The following PDE4A variants were observed in gnomAD, a reference collection of about 807,000 sequenced individuals.
PDE4A encodes phosphodiesterase 4A.
A neutral mutation model predicts 73.9 loss-of-function variants in PDE4A; 21 were observed. The observed-to-expected ratio is 0.28, with a 90% CI of 0.20 to 0.41. The LOEUF (loss-of-function observed/expected upper bound fraction) is 0.41. PDE4A is among the 10% of genes least tolerant of loss of function. The pLI is 1.00. For missense variants in PDE4A, 958 were observed against 1,211.4 expected (o/e 0.79, Z 3.10); for synonymous variants, 463 against 505.4 (o/e 0.92, Z 1.13).
chr19:10,451,822 G>A (rs373101752), intron 6 of PDE4A, among the ~76,000 whole-genome samples: 6 of 152,204 alleles, frequency 3.9e-5, no homozygotes, highest in African/African-American at 1.4e-4. Context: ...GGAGAGAGTG[G>A]TAACAGCCCT....
Position 10,458,145 on chromosome 19 carries a change from T to C in PDE4A, c.1101+43T>C, listed in dbSNP as rs752436220. 4 of 1,583,888 alleles carry C rather than the reference T, an allele frequency of 2.5e-6. No homozygotes were observed. The highest frequency in any genetic ancestry group is 2.6e-6 in the Non-Finnish European group (3 of 1,154,488). On this transcript the variant is annotated intron_variant, in intron 8 of 14. Transcript: ENST00000380702. The surrounding 1 kb of genome is among the most constrained non-coding windows in gnomAD (Gnocchi z 4.6). ...AGGGGCAGGGCTGGAGGGGGTGGTC[T>C]CCTGGGACCCTGAGAAGGACTGGGC...
At position 10,448,364 on chromosome 19, in the gene PDE4A, C is replaced by T. The variant is rs928714689; in HGVS notation, c.513-553C>T. Reference sequence around the variant, plus strand: ...AATAAATAAATAAAAAGGTCAGGCACGGTGGCTCACGCCTATAATCCCAGC... The same window carrying T: ...AATAAATAAATAAAAAGGTCAGGCATGGTGGCTCACGCCTATAATCCCAGC... On this transcript the variant is annotated intron_variant, in intron 2 of 14. Coordinates refer to ENST00000380702, the MANE Select transcript of PDE4A (RefSeq NM_001111307.2). 1.8e-4 allele frequency among the ~76,000 whole-genome samples: 27 copies of T among 152,046 alleles called. No homozygotes were observed. In the East Asian group the frequency reaches 4.1e-3, roughly 23 times the overall value.
intron 1 of PDE4A, chr19:10,432,408 GC>G: frequency 7.2e-7 from 1 of 1,382,802 alleles, no homozygotes; most frequent in East Asian, 3.1e-5. Context: ...GTCCCCATGC[GC>G]GCCCCGACGA....
chr19:10,432,753 G>C (rs2042812882), intron 1 of PDE4A, among the ~76,000 whole-genome samples: 1 of 152,200 alleles, frequency 6.6e-6, no homozygotes, highest in Non-Finnish European at 1.5e-5. Flanking sequence ...CTTCTTGAAG[G>C]TGGCAGCCCT....
chr19:10,432,631 G>T (rs1334309022), intron 1 of PDE4A: 17 of 1,429,640 alleles, frequency 1.2e-5, no homozygotes, highest in African/African-American at 3.0e-5. Flanking sequence ...TGGCTGTGCT[G>T]GGGGGGTGGG....
chr19:10,465,198 A>G (rs1157756861), intron 14 of PDE4A, among the ~76,000 whole-genome samples: 2 of 151,048 alleles, frequency 1.3e-5, no homozygotes, highest in Non-Finnish European at 2.9e-5. Context: ...TCTACCCACT[A>G]GATGCCAGAA....
At chr19:10,423,524 G>A (rs1443545516) in intron 1 of PDE4A, among the ~76,000 whole-genome samples, 1 of 152,146 alleles carries the variant, frequency 6.6e-6, no homozygotes, top group Non-Finnish European at 1.5e-5. Flanking sequence ...GAATTGCAAC[G>A]CAGGTCCGCC....
chr19:10,418,772 C>T (rs2042611224), upstream of PDE4A: 10 of 985,228 alleles, frequency 1.0e-5, no homozygotes, highest in Non-Finnish European at 1.2e-5. Flanking sequence ...CACCCGCTTC[C>T]AGATCTCTAA....
chr19:10,434,889 CTT>C (rs377462932), intron 1 of PDE4A, among the ~76,000 whole-genome samples: 6 of 107,210 alleles, frequency 5.6e-5, no homozygotes, highest in African/African-American at 3.7e-5. Flanking sequence ...CTGTGCCCAG[CTT>C]TTTTTTTTTT....
chr19:10,427,993 CAAA>C (rs5827099), intron 1 of PDE4A: 106 of 107,956 alleles, frequency 9.8e-4, no homozygotes, highest in Non-Finnish European at 1.5e-3. Context: ...GAGACCCTGT[CAAA>C]AAAAAAAAAA....
Position 10,465,148 on chromosome 19 carries a change from G to A in PDE4A, c.1926+1173G>A, listed in dbSNP as rs76812489. On this transcript the variant is annotated intron_variant, in intron 14 of 14. Transcript: ENST00000380702. ...ATCATTTTTTGTGCTAGGAGCTGCCGTGGGTATTACAGGATTCTTAGCAGA... is the reference window on the plus strand; with the variant it reads ...ATCATTTTTTGTGCTAGGAGCTGCCATGGGTATTACAGGATTCTTAGCAGA... Among the ~76,000 whole-genome samples, 780 of 152,026 alleles carry A rather than the reference G, an allele frequency of 5.1e-3. 12 individuals are homozygous for A. Among genetic ancestry groups the A allele is most frequent in the East Asian group, 0.033 (170 of 5,164 alleles).
At chr19:10,441,262 G>T (rs972514746) in intron 1 of PDE4A, among the ~76,000 whole-genome samples, 1 of 152,036 alleles carries the variant, frequency 6.6e-6, no homozygotes, top group Non-Finnish European at 1.5e-5. Context: ...TTGAGTAGCT[G>T]GGACTATAGG....
In PDE4A at chr19:10,453,183, C is replaced by T. The variant is rs1425765048; in HGVS notation, c.784-1646C>T. ...TCCACTACCCACCTGCCCGGCACCC[C>T]CTCCCCAGTGGTTGTTAACCCCGGG... On this transcript the variant is annotated intron_variant, in intron 6 of 14. Coordinates refer to ENST00000380702, the MANE Select transcript of PDE4A (RefSeq NM_001111307.2). The surrounding 1 kb of genome is among the most constrained non-coding windows in gnomAD (Gnocchi z 4.6). The T allele has an allele frequency of 6.7e-7, 1 of 1,492,992 alleles. No individual in the cohort carries two copies. Among genetic ancestry groups the T allele is most frequent in the Non-Finnish European group, 8.9e-7 (1 of 1,117,692 alleles). 92.5% of individuals were successfully genotyped at this position (1,492,992 alleles called of 1,614,324 possible).
At chr19:10,432,688 T>C (rs2042812010) in intron 1 of PDE4A, 2 of 1,024,268 alleles carry the variant, frequency 2.0e-6, no homozygotes, top group East Asian at 3.3e-5. Context: ...TTCCAGGATC[T>C]GGCTGGGGCC....
At chr19:10,460,959 A>G (rs200568971) in intron 10 of PDE4A, 45 bp from the exon 11 acceptor site, 26 of 1,577,592 alleles carry the variant, frequency 1.6e-5, no homozygotes, top group African/African-American at 2.7e-5. Flanking sequence ...ACCACCATGC[A>G]TGGCTTCAAC....
chr19:10,417,232 G>T, upstream of PDE4A: 1 of 985,260 alleles, frequency 1.0e-6, no homozygotes, highest in South Asian at 4.7e-5. Flanking sequence ...GGATTTTGGC[G>T]AGGAGGTGGG....
chr19:10,419,035 T>G, upstream of PDE4A: 3 of 874,614 alleles, frequency 3.4e-6, no homozygotes, highest in African/African-American at 2.1e-5. Context: ...AAAGTGGCTG[T>G]GGGGGTTGAA....
At chr19:10,439,921 A>C (rs1156373719) in intron 1 of PDE4A, among the ~76,000 whole-genome samples, 1 of 151,654 alleles carries the variant, frequency 6.6e-6, no homozygotes, top group Non-Finnish European at 1.5e-5. Flanking sequence ...GAGGAACCCT[A>C]AGATCTTCAA....
intron 12 of PDE4A, 39 bp downstream of exon 12, chr19:10,461,719 C>A (rs750606740): frequency 6.3e-5 from 102 of 1,608,228 alleles, no homozygotes; most frequent in Non-Finnish European, 8.2e-5. Flanking sequence ...GGAAAGGAAG[C>A]CTAGGAGTCG....
Sources: gnomAD v4.1 joint callset for allele counts (sites outside exome capture counted in the v4.1 genomes callset) on GRCh38, gnomAD v4.1.1 for gene constraint, Gnocchi (gnomAD v3.1) non-coding constraint, MANE v1.5 for transcripts, NCBI Gene and HGNC (gene_info 2026-07-23, HGNC 2026-07-21) for gene names.